The following TASP1 variants were observed in gnomAD, a reference collection of about 807,000 sequenced individuals.
TASP1 encodes the protein taspase 1, also known as threonine aspartase 1.
Under a neutral mutation model 56.6 loss-of-function variants are expected in TASP1, and 16 were observed. That is an observed-to-expected ratio of 0.28 (90% CI 0.19 to 0.43). The LOEUF is 0.43. Among genes scored for constraint, TASP1 ranks in the 20% least tolerant of loss-of-function variants. The probability of loss-of-function intolerance (pLI) is 1.00; values close to 1 mark genes in which losing one functional copy is unlikely to be tolerated. For synonymous variants in TASP1, 179 were observed against 184.2 expected, an observed-to-expected ratio of 0.97 and a Z score of 0.23; for missense variants, 393 against 511.6, an observed-to-expected ratio of 0.77 and a Z score of 2.24.
chr20:13,142,372 A>T, the TASP1 span, among the ~76,000 whole-genome samples: 1 of 152,072 alleles, frequency 6.6e-6, no homozygotes, highest in Non-Finnish European at 1.5e-5. Flanking sequence ...ATACATATGG[A>T]ATTCCATGTT....
chr20:13,618,286 G>T (rs1247596940), intron 4 of TASP1, among the ~76,000 whole-genome samples: 34 of 152,002 alleles, frequency 2.2e-4, no homozygotes, highest in Non-Finnish European at 4.9e-4. Context: ...GGTGGCGCAC[G>T]CCTGTAGTCC....
chr20:13,272,370 T>C, the TASP1 span, among the ~76,000 whole-genome samples: 1 of 152,180 alleles, frequency 6.6e-6, no homozygotes. Context: ...CCCCGCTGTA[T>C]ATAAAATGCT....
chr20:13,600,139 T>G (rs537818555), intron 4 of TASP1, among the ~76,000 whole-genome samples: 10 of 152,250 alleles, frequency 6.6e-5, no homozygotes, highest in African/African-American at 2.4e-4. Context: ...TTAAATCCAA[T>G]AAATGGAAAG....
the TASP1 span, among the ~76,000 whole-genome samples, chr20:13,306,400 A>G: frequency 6.6e-6 from 1 of 152,058 alleles, no homozygotes; most frequent in Admixed American, 6.6e-5. Context: ...GCAAATTTTA[A>G]CAAGCACCAC....
chr20:13,637,566 A>G (rs1281352675), intron 1 of TASP1, among the ~76,000 whole-genome samples: 1 of 152,246 alleles, frequency 6.6e-6, no homozygotes, highest in African/African-American at 2.4e-5. Flanking sequence ...ATAAAACAGA[A>G]TGAAATACTG....
the TASP1 span, among the ~76,000 whole-genome samples, chr20:13,114,089 A>G: frequency 6.6e-6 from 1 of 152,238 alleles, no homozygotes; most frequent in African/African-American, 2.4e-5. Flanking sequence ...CAATGTAAAT[A>G]GAAGAGTCAG....
intron 2 of TASP1, among the ~76,000 whole-genome samples, chr20:13,626,133 T>TA (rs929131732): frequency 6.6e-6 from 1 of 152,078 alleles, no homozygotes; most frequent in African/African-American, 2.4e-5. Context: ...GGTTAAGAAA[T>TA]ACACCTCTAG....
At chr20:13,462,939 T>C (rs555066304) in intron 11 of TASP1, among the ~76,000 whole-genome samples, 17 of 152,254 alleles carry the variant, frequency 1.1e-4, no homozygotes, top group African/African-American at 3.9e-4. Flanking sequence ...AAGATGTCAA[T>C]ACTACCCAGA....
chr20:13,309,804 A>G, the TASP1 span, among the ~76,000 whole-genome samples: 2 of 152,142 alleles, frequency 1.3e-5, no homozygotes, highest in Non-Finnish European at 2.9e-5. Context: ...AAGCAAAAAA[A>G]CTATCCAAAA....
At chr20:13,311,251 A>AGATAGATAGAT in the TASP1 span, among the ~76,000 whole-genome samples, 1,766 of 127,372 alleles carry the variant, frequency 0.014, 8 homozygotes, top group African/African-American at 0.019. Flanking sequence ...GATGATAGAT[A>AGATAGATAGAT]GATAGATAGA....
At chr20:13,601,464 A>T (rs1434238539) in intron 4 of TASP1, among the ~76,000 whole-genome samples, 2 of 152,252 alleles carry the variant, frequency 1.3e-5, no homozygotes, top group African/African-American at 4.8e-5. Flanking sequence ...GTATTAGACT[A>T]CAACTAAAAG....
At chr20:13,114,062 C>T in the TASP1 span, among the ~76,000 whole-genome samples, 2 of 152,174 alleles carry the variant, frequency 1.3e-5, no homozygotes, top group Admixed American at 1.3e-4. Flanking sequence ...CCAGGTGGCC[C>T]TGATGGGACA....
the TASP1 span, among the ~76,000 whole-genome samples, chr20:13,281,974 A>C: frequency 2.6e-5 from 4 of 152,144 alleles, no homozygotes; most frequent in South Asian, 2.1e-4. Context: ...CACTAGCATC[A>C]CGTGGAAATG....
the TASP1 span, among the ~76,000 whole-genome samples, chr20:13,356,315 T>C: frequency 3.3e-5 from 5 of 152,186 alleles, no homozygotes; most frequent in African/African-American, 1.2e-4. Context: ...ATAGGAGCAA[T>C]TGTTGTAAAG....
the TASP1 span, chr20:13,126,759 T>C: frequency 6.2e-7 from 1 of 1,608,992 alleles, no homozygotes; most frequent in Non-Finnish European, 8.5e-7. Context: ...GACCTCTCTG[T>C]CTCCCTTCTG....
intron 10 of TASP1, among the ~76,000 whole-genome samples, chr20:13,516,597 G>T (rs1342149830): frequency 6.6e-6 from 1 of 151,660 alleles, no homozygotes. Flanking sequence ...CAATCAAAGG[G>T]AGAACTACAT....
chr20:13,192,991 G>A, the TASP1 span, among the ~76,000 whole-genome samples: 3 of 152,262 alleles, frequency 2.0e-5, no homozygotes, highest in Admixed American at 2.0e-4. Context: ...AATGACACCT[G>A]TACTTCATAT....
chr20:13,555,136 C>T (rs1215299654), intron 8 of TASP1, among the ~76,000 whole-genome samples: 1 of 152,144 alleles, frequency 6.6e-6, no homozygotes, highest in Non-Finnish European at 1.5e-5. Context: ...GTAATCCCAG[C>T]ACTTTGGGAG....
In TASP1 at chr20:13,534,098, A is replaced by G; in HGVS notation, c.719T>C (p.Val240Ala). 1 of 1,613,780 alleles carries G rather than the reference A, an allele frequency of 6.2e-7. No homozygotes were observed. ...AGCAGCAACATTCCCTTCGTGGTCC[A>G]CAACCACAGCGCCTACCGTGTCCAA... ...GTLDTVGAVV[V>A]DHEGNVAAAV... Residue 240 changes from valine (V) to alanine (A), a missense_variant, in exon 9 of 14, where the codon GTG becomes GCG. Val to Ala is a moderately conservative substitution (Grantham distance 64). Coordinates refer to ENST00000337743, the MANE Select transcript of TASP1 (RefSeq NM_017714.3).
Sources: allele counts gnomAD v4.1 joint callset (sites outside exome capture counted in the v4.1 genomes callset), GRCh38; gene constraint gnomAD v4.1.1; transcripts MANE v1.5; gene names NCBI Gene and HGNC (gene_info 2026-07-23, HGNC 2026-07-21).